Variants in UMAD1 observed in about 807,000 individuals in gnomAD.
UMAD1 encodes the protein UBAP1-MVB12-associated (UMA) domain containing 1.
In UMAD1, 8 loss-of-function variants were observed where a neutral mutation model predicts 6.1. The ratio of observed to expected loss-of-function variants is 1.30; its 90% CI spans 0.76 to 2.35. UMAD1 has a LOEUF of 2.35. Among genes scored for constraint, UMAD1 ranks in the 30% most tolerant of loss-of-function variants. The pLI is 0.00. For synonymous variants in UMAD1, 56 were observed against 31.4 expected, an observed-to-expected ratio of 1.78 and a Z score of -2.61; for missense variants, 130 against 78.4, an observed-to-expected ratio of 1.66 and a Z score of -2.49.
At chr7:7,728,702 A>G (rs993032061) in intron 2 of UMAD1, among the ~76,000 whole-genome samples, 4 of 152,052 alleles carry the variant, frequency 2.6e-5, no homozygotes, top group African/African-American at 9.7e-5. Flanking sequence ...ATAAGTAGCC[A>G]TATCTGCTAC....
intron 2 of UMAD1, among the ~76,000 whole-genome samples, chr7:7,729,469 C>G (rs1180148697): frequency 1.3e-5 from 2 of 152,196 alleles, no homozygotes; most frequent in African/African-American, 4.8e-5. Context: ...TGGTACTTGG[C>G]TTCTGTGATT....
At chr7:7,860,604 C>CAAAAAAAAAA (rs373823869) in intron 3 of UMAD1, among the ~76,000 whole-genome samples, 39 of 93,794 alleles carry the variant, frequency 4.2e-4, no homozygotes, top group African/African-American at 8.6e-4. Context: ...ACTAAAAATA[C>CAAAAAAAAAA]AAAAAAAAAA....
chr7:7,861,836 A>T (rs1281062572), intron 3 of UMAD1, among the ~76,000 whole-genome samples: 1 of 152,230 alleles, frequency 6.6e-6, no homozygotes, highest in Non-Finnish European at 1.5e-5. Flanking sequence ...AGCAATTCTA[A>T]GTACATACTA....
rs59371111 is a variant in UMAD1 at position 7,840,284 on chromosome 7, G to A, written c.157-36997G>A. ...ATTTTGGAGGACATGGAACTGAGAG[G>A]ATGAAGTGTTGGATGGGTTGTATAT... is the stretch of plus-strand genomic sequence containing the variant. On this transcript the variant is annotated intron_variant, in intron 3 of 3. Transcript: ENST00000682710. Among the ~76,000 whole-genome samples, 7 of 152,192 alleles carry A rather than the reference G, an allele frequency of 4.6e-5. No individual in the cohort carries two copies. The East Asian group carries it at 1.2e-3, about 25-fold the overall frequency.
At position 7,709,559 on chromosome 7, in the gene UMAD1, G is replaced by T. The variant is rs1780696425; in HGVS notation, c.82+36106G>T. 1.3e-5 allele frequency among the ~76,000 whole-genome samples: 2 copies of T among 152,356 alleles called. 1 individual carries two copies. The highest frequency in any genetic ancestry group is 4.1e-4 in the South Asian group (2 of 4,830). ...AAAGTCAGGCGCTGAGCCTGCAAGG[G>T]CAAAATGAGGCTTGTGGGATAAGAA... On this transcript the variant is annotated intron_variant, in intron 2 of 3. Coordinates refer to ENST00000682710, the MANE Select transcript of UMAD1 (RefSeq NM_001302348.2).
At chr7:7,781,107 A>G (rs527744078) in intron 2 of UMAD1, among the ~76,000 whole-genome samples, 6 of 152,306 alleles carry the variant, frequency 3.9e-5, no homozygotes, top group African/African-American at 1.4e-4. Flanking sequence ...TAGAAAGCTT[A>G]TACCTGTTTA....
Position 7,675,693 on chromosome 7 carries a change from G to A in UMAD1, c.82+2240G>A, listed in dbSNP as rs74549235. Among the ~76,000 whole-genome samples the A allele has an allele frequency of 5.1e-3, 779 of 152,232 alleles. 6 individuals carry two copies. The highest frequency in any genetic ancestry group is 0.018 in the African/African-American group (746 of 41,532). On this transcript the variant is annotated intron_variant, in intron 2 of 3. Coordinates refer to ENST00000682710, the MANE Select transcript of UMAD1 (RefSeq NM_001302348.2). ...AGGGAATTTTCCCAGGACCATCTTGGACTAGCATAATTGGTGTCGTACCCA... is the reference window on the plus strand; with the variant it reads ...AGGGAATTTTCCCAGGACCATCTTGAACTAGCATAATTGGTGTCGTACCCA...
At chr7:7,731,543 G>C (rs1186899454) in intron 2 of UMAD1, among the ~76,000 whole-genome samples, 7 of 148,122 alleles carry the variant, frequency 4.7e-5, no homozygotes. Context: ...AATAAGATTG[G>C]CTCATTTTGC....
intron 2 of UMAD1, among the ~76,000 whole-genome samples, chr7:7,795,831 C>T (rs895253119): frequency 6.6e-6 from 1 of 152,112 alleles, no homozygotes; most frequent in East Asian, 1.9e-4. Context: ...CTTTCATCAC[C>T]ATTTTGGTTT....
At chr7:7,721,709 A>G (rs1265887774) in intron 2 of UMAD1, among the ~76,000 whole-genome samples, 1 of 152,116 alleles carries the variant, frequency 6.6e-6, no homozygotes, top group Non-Finnish European at 1.5e-5. Flanking sequence ...GTGATTGTCC[A>G]TGAGGATTTT....
Position 7,792,938 on chromosome 7 carries a change from G to A in UMAD1, c.83-8732G>A, listed in dbSNP as rs547334201. On this transcript the variant is annotated intron_variant, in intron 2 of 3. Transcript: ENST00000682710. Reference sequence around the variant, plus strand: ...TCTAAGGGCACTAATCACTCGTGAGGGCTCCATCCTCATGACCTCATGACC... The same window carrying A: ...TCTAAGGGCACTAATCACTCGTGAGAGCTCCATCCTCATGACCTCATGACC... Among the ~76,000 whole-genome samples the A allele has an allele frequency of 1.4e-4, 21 of 152,178 alleles. No individual in the cohort carries two copies. The South Asian group carries it at 4.2e-3, about 30-fold the overall frequency.
intron 2 of UMAD1, among the ~76,000 whole-genome samples, chr7:7,754,039 G>T (rs1271854396): frequency 1.3e-5 from 2 of 152,048 alleles, no homozygotes; most frequent in African/African-American, 4.8e-5. Context: ...CAAAAAATTA[G>T]CTGAGCGTGG....
chr7:7,645,522 G>A (rs539758514), intron 1 of UMAD1, among the ~76,000 whole-genome samples: 1 of 152,288 alleles, frequency 6.6e-6, no homozygotes, highest in African/African-American at 2.4e-5. Flanking sequence ...GTTCTATGTG[G>A]CAGAGAAGTG....
intron 3 of UMAD1, among the ~76,000 whole-genome samples, chr7:7,855,581 G>T (rs748707830): frequency 2.6e-5 from 4 of 152,192 alleles, no homozygotes; most frequent in Non-Finnish European, 2.9e-5. Context: ...CACACAGCAG[G>T]GGGGGCCCTA....
chr7:7,836,909 A>G (rs1783582624), intron 3 of UMAD1, among the ~76,000 whole-genome samples: 1 of 151,802 alleles, frequency 6.6e-6, no homozygotes, highest in Non-Finnish European at 1.5e-5. Flanking sequence ...GGAATGGGGC[A>G]GGGACAATAT....
At position 7,675,570 on chromosome 7, in the gene UMAD1, C is replaced by G. The variant is rs144154642; in HGVS notation, c.82+2117C>G. ...AAGAAGTAGTCTTTCTTTAACTGAG[C>G]CTCAGAAGGCACACAAACTTCCAAA... On this transcript the variant is annotated intron_variant, in intron 2 of 3. Coordinates refer to ENST00000682710, the MANE Select transcript of UMAD1 (RefSeq NM_001302348.2). Among the ~76,000 whole-genome samples the G allele has an allele frequency of 3.6e-4, 55 of 152,282 alleles. 1 individual carries two copies. The East Asian group carries it at 9.4e-3, about 26-fold the overall frequency.
At chr7:7,671,928 T>C (rs1190927754) in intron 1 of UMAD1, among the ~76,000 whole-genome samples, 1 of 152,198 alleles carries the variant, frequency 6.6e-6, no homozygotes, top group Non-Finnish European at 1.5e-5. Flanking sequence ...CTTCTCCATT[T>C]TGAATTCCTT....
chr7:7,693,817 AT>A (rs1320682002), intron 2 of UMAD1, among the ~76,000 whole-genome samples: 3 of 152,178 alleles, frequency 2.0e-5, no homozygotes, highest in Non-Finnish European at 2.9e-5. Context: ...CTCTAATCAT[AT>A]TAACACTACT....
At chr7:7,810,974 A>T (rs146195722) in intron 3 of UMAD1, among the ~76,000 whole-genome samples, 11 of 152,096 alleles carry the variant, frequency 7.2e-5, no homozygotes, top group South Asian at 4.1e-4. Flanking sequence ...GAGTGAGGTG[A>T]TTTGGGAGGT....
Sources: gnomAD v4.1 joint callset for allele counts (sites outside exome capture counted in the v4.1 genomes callset) on GRCh38, gnomAD v4.1.1 for gene constraint, MANE v1.5 for transcripts, NCBI Gene and HGNC (gene_info 2026-07-23, HGNC 2026-07-21) for gene names.